Variants in NTM observed in about 807,000 individuals in gnomAD.
NTM encodes neurotrimin.
NTM carries 13 observed loss-of-function variants against 42.1 expected under a neutral mutation model. The observed-to-expected ratio is 0.31, with a 90% confidence interval of 0.20 to 0.49. The LOEUF (loss-of-function observed/expected upper bound fraction) is 0.49. Among genes scored for constraint, NTM ranks in the 20% least tolerant of loss-of-function variants. The pLI, the probability that NTM is intolerant of heterozygous loss-of-function variation, is 0.99. For synonymous variants in NTM, 187 were observed against 179.2 expected, an observed-to-expected ratio of 1.04 and a Z score of -0.35; for missense variants, 373 against 452.8, an observed-to-expected ratio of 0.82 and a Z score of 1.60.
chr11:131,523,398 A>G (rs2050013381), intron 1 of NTM, among the ~76,000 whole-genome samples: 1 of 152,226 alleles, frequency 6.6e-6, no homozygotes, highest in African/African-American at 2.4e-5. Context: ...ATAACAAAAC[A>G]TGGTAAAGAT....
intron 1 of NTM, among the ~76,000 whole-genome samples, chr11:131,468,058 G>A (rs148588519): frequency 0.012 from 1,865 of 152,336 alleles, 34 homozygotes; most frequent in Middle Eastern, 0.02. Context: ...AAGGGATGAC[G>A]TAGGGTCAGT....
At chr11:131,978,561 G>A (rs912921292) in intron 2 of NTM, among the ~76,000 whole-genome samples, 3 of 151,992 alleles carry the variant, frequency 2.0e-5, no homozygotes, top group Non-Finnish European at 4.4e-5. Flanking sequence ...GGCTCCTGCA[G>A]CAGTAACCTA....
intron 2 of NTM, among the ~76,000 whole-genome samples, chr11:132,095,342 G>C (rs567079282): frequency 2.6e-5 from 4 of 152,130 alleles, no homozygotes; most frequent in Admixed American, 2.6e-4. Flanking sequence ...CGAGAGAGTT[G>C]CAGGAGCCCC....
chr11:132,200,528 A>C (rs949667792), intron 3 of NTM, among the ~76,000 whole-genome samples: 1 of 152,236 alleles, frequency 6.6e-6, no homozygotes, highest in African/African-American at 2.4e-5. Flanking sequence ...TTCTTACTGC[A>C]GTCAGCATAA....
At chr11:131,850,911 A>G (rs1405869993) in intron 1 of NTM, among the ~76,000 whole-genome samples, 4 of 152,198 alleles carry the variant, frequency 2.6e-5, no homozygotes, top group African/African-American at 9.6e-5. Flanking sequence ...AGACAAATCT[A>G]TGGAGCTGAG....
At chr11:131,671,720 C>A in intron 1 of NTM, 1 of 575,040 alleles carries the variant, frequency 1.7e-6, no homozygotes, top group Non-Finnish European at 2.2e-6. Context: ...ACAAAGCGCC[C>A]ATCGACAGTG....
chr11:132,229,478 A>G (rs1220997229), intron 4 of NTM, among the ~76,000 whole-genome samples: 1 of 152,238 alleles, frequency 6.6e-6, no homozygotes, highest in East Asian at 1.9e-4. Context: ...CTTTTTGGCT[A>G]GAATCCATAT....
chr11:132,248,768 G>T (rs1393381156), intron 4 of NTM, among the ~76,000 whole-genome samples: 4 of 152,236 alleles, frequency 2.6e-5, no homozygotes, highest in African/African-American at 9.6e-5. Flanking sequence ...AGGGAAACAT[G>T]TATCAGCCAC....
chr11:131,800,777 A>C (rs1374592434), intron 1 of NTM, among the ~76,000 whole-genome samples: 1 of 152,178 alleles, frequency 6.6e-6, no homozygotes, highest in African/African-American at 2.4e-5. Flanking sequence ...TCCTGCAGAC[A>C]TCACAACCTC....
intron 1 of NTM, among the ~76,000 whole-genome samples, chr11:131,389,444 G>A (rs934146799): frequency 3.3e-5 from 5 of 151,834 alleles, no homozygotes; most frequent in East Asian, 3.9e-4. Context: ...TTTATCATTC[G>A]CCTTGGTGGC....
At chr11:131,798,064 C>G (rs767918194) in intron 1 of NTM, among the ~76,000 whole-genome samples, 3 of 152,024 alleles carry the variant, frequency 2.0e-5, no homozygotes, top group Non-Finnish European at 4.4e-5. Flanking sequence ...GTTCGACTGC[C>G]CAAGGTTGGC....
At chr11:131,401,770 C>T (rs1458148312) in intron 1 of NTM, among the ~76,000 whole-genome samples, 4 of 112,410 alleles carry the variant, frequency 3.6e-5, no homozygotes, top group African/African-American at 1.3e-4. Flanking sequence ...CATAATTATC[C>T]TCATCATTAT....
At chr11:132,155,978 T>A (rs920912381) in intron 3 of NTM, among the ~76,000 whole-genome samples, 1 of 152,154 alleles carries the variant, frequency 6.6e-6, no homozygotes, top group Admixed American at 6.5e-5. Flanking sequence ...GAGCCAGGCT[T>A]TGCTGTTGCA....
chr11:132,326,491 G>A (rs1042952322), intron 7 of NTM, among the ~76,000 whole-genome samples: 9 of 152,178 alleles, frequency 5.9e-5, no homozygotes, highest in African/African-American at 2.2e-4. Context: ...GGGGCAAGGA[G>A]CCCCCATCTG....
At chr11:131,536,102 G>A (rs2052154242) in intron 1 of NTM, 1 of 152,204 alleles carries the variant, frequency 6.6e-6, no homozygotes. Context: ...CCCTAAGGCA[G>A]TTCCAATAGG....
chr11:131,738,215 A>C (rs1027114628), intron 1 of NTM, among the ~76,000 whole-genome samples: 1 of 152,164 alleles, frequency 6.6e-6, no homozygotes, highest in Non-Finnish European at 1.5e-5. Context: ...AGGCCAATGC[A>C]GAGAACTGCA....
chr11:131,834,625 C>CATACATATATATAT (rs1555148244), intron 1 of NTM, among the ~76,000 whole-genome samples: 1 of 133,986 alleles, frequency 7.5e-6, no homozygotes, highest in East Asian at 2.1e-4. Flanking sequence ...TATACATATA[C>CATACATATATATAT]ATATATATAT....
At chr11:131,556,361 A>G (rs2055411289) in intron 1 of NTM, among the ~76,000 whole-genome samples, 1 of 152,202 alleles carries the variant, frequency 6.6e-6, no homozygotes, top group South Asian at 2.1e-4. Context: ...GATTACATGA[A>G]AAGCAGAGTA....
At chr11:131,751,306 G>T (rs1179943065) in intron 1 of NTM, among the ~76,000 whole-genome samples, 4 of 151,796 alleles carry the variant, frequency 2.6e-5, no homozygotes, top group Non-Finnish European at 4.4e-5. Context: ...AAATAAAAAG[G>T]CTGGGCACGG....
Sources: gnomAD v4.1 joint callset for allele counts (sites outside exome capture counted in the v4.1 genomes callset) on GRCh38, gnomAD v4.1.1 for gene constraint, MANE v1.5 for transcripts, NCBI Gene and HGNC (gene_info 2026-07-23, HGNC 2026-07-21) for gene names.